The following PAAF1 variants were observed in gnomAD, a reference collection of about 807,000 sequenced individuals.
PAAF1 encodes the protein proteasomal ATPase associated factor 1, also known as proteasomal ATPase-associated factor 1.
Under a neutral mutation model 52.8 loss-of-function variants are expected in PAAF1, and 46 were observed. The ratio of observed to expected loss-of-function variants is 0.87; its 90% confidence interval spans 0.69 to 1.11. The LOEUF (loss-of-function observed/expected upper bound fraction) is 1.11, where lower values mean the gene tolerates loss of function less well. Among genes scored for constraint, PAAF1 ranks in the 50% most tolerant of loss-of-function variants. The probability of loss-of-function intolerance (pLI) is 0.00; values close to 1 mark genes in which losing one functional copy is unlikely to be tolerated. For missense variants in PAAF1, 424 were observed against 477.4 expected (o/e 0.89, Z 1.04); for synonymous variants, 178 against 172.8 (o/e 1.03, Z -0.24).
Position 73,900,386 on chromosome 11 carries a change from T to C in PAAF1, c.498T>C (p.Ala166=). The C allele has an allele frequency of 6.2e-7, 1 of 1,612,222 alleles. No individual in the cohort carries two copies. The highest frequency in any genetic ancestry group is 8.5e-7 in the Non-Finnish European group (1 of 1,178,616). Residue 166 remains alanine, a synonymous_variant, in exon 6 of 12, where the codon GCT becomes GCC. Coordinates refer to ENST00000310571, the MANE Select transcript of PAAF1 (RefSeq NM_025155.3). ...TGAAGATATGGTCAGCTGAAGATGC[T>C]AGCTGCGTGGTGACCTTCAAAGGTC... is the stretch of plus-strand genomic sequence containing the variant. ...AQLKIWSAED[A]SCVVTFKGHK...
chr11:73,926,377 C>T (rs1288870897), intron 11 of PAAF1, among the ~76,000 whole-genome samples: 3 of 152,164 alleles, frequency 2.0e-5, no homozygotes, highest in African/African-American at 7.2e-5. Context: ...GGATTACAGG[C>T]GTGAGCCACC....
intron 6 of PAAF1, among the ~76,000 whole-genome samples, chr11:73,907,637 C>T (rs1949798681): frequency 6.6e-6 from 1 of 152,166 alleles, no homozygotes; most frequent in African/African-American, 2.4e-5. Context: ...CAGTACCCTA[C>T]TTAACCTGGT....
chr11:73,908,500 G>A (rs1319672613), intron 6 of PAAF1, among the ~76,000 whole-genome samples: 34 of 151,224 alleles, frequency 2.2e-4, no homozygotes, highest in Admixed American at 2.2e-3. Context: ...GAACTCCAGG[G>A]CTCAAGCAAT....
intron 10 of PAAF1, among the ~76,000 whole-genome samples, chr11:73,920,578 C>T (rs923333258): frequency 2.0e-5 from 3 of 151,864 alleles, no homozygotes; most frequent in South Asian, 2.1e-4. Context: ...AGTGACTGGG[C>T]GTGGTGGCTC....
chr11:73,919,111 G>A, intron 10 of PAAF1, 79 bp downstream of exon 10: 1 of 1,295,774 alleles, frequency 7.7e-7, no homozygotes, highest in South Asian at 1.3e-5. Context: ...TCTGATCTAT[G>A]GCTGGGTTGG....
At chr11:73,915,209 C>T (rs1301025377) in intron 8 of PAAF1, among the ~76,000 whole-genome samples, 1 of 152,126 alleles carries the variant, frequency 6.6e-6, no homozygotes, top group African/African-American at 2.4e-5. Flanking sequence ...AAGTCACTTT[C>T]CCTCTCTGGA....
chr11:73,902,020 C>T (rs1397756340), intron 6 of PAAF1, among the ~76,000 whole-genome samples: 2 of 151,930 alleles, frequency 1.3e-5, no homozygotes, highest in Admixed American at 6.6e-5. Flanking sequence ...TGCACCACCA[C>T]ATCCAACTAA....
chr11:73,924,772 A>G, intron 11 of PAAF1, 75 bp downstream of exon 11: 1 of 1,201,794 alleles, frequency 8.3e-7, no homozygotes, highest in Non-Finnish European at 1.2e-6. Flanking sequence ...CTGAATCCAG[A>G]TACCTTGTGG....
At chr11:73,921,844 A>G in intron 10 of PAAF1, 3 of 1,121,980 alleles carry the variant, frequency 2.7e-6, no homozygotes, top group South Asian at 1.2e-5. Context: ...TTTGGGATAC[A>G]TTGCATTAAG....
At chr11:73,878,713 C>T (rs1948813394) in intron 1 of PAAF1, 66 bp from the exon 2 acceptor site, 2 of 1,461,432 alleles carry the variant, frequency 1.4e-6, no homozygotes, top group African/African-American at 1.4e-5. Flanking sequence ...TTCTTTCTTC[C>T]CTTGTAACTA....
chr11:73,927,516 C>T lies in PAAF1; in HGVS notation c.*154C>T. 1.5e-6 allele frequency: 1 copy of T among 659,308 alleles called. No individual in the cohort carries two copies. The highest frequency in any genetic ancestry group is 1.8e-5 in the South Asian group (1 of 54,620). The allele number at this position is 659,308 out of a possible 1,614,324, so 40.8% of individuals were successfully genotyped here. On this transcript the variant is annotated 3_prime_UTR_variant, in exon 12 of 12. Transcript: ENST00000310571. ...AGTCAGCTGTACTGGCCGTGTGGAA[C>T]TCTCATCCCAAGACCTACTTTGAAC...
intron 2 of PAAF1, 65 bp downstream of exon 2, chr11:73,878,884 G>GTAGGAAGCTTT: frequency 6.7e-7 from 1 of 1,493,338 alleles, no homozygotes; most frequent in Non-Finnish European, 9.3e-7. Flanking sequence ...TTAAAAGAAA[G>GTAGGAAGCTTT]CTTCCTACTT....
intron 4 of PAAF1, among the ~76,000 whole-genome samples, chr11:73,897,590 G>A (rs949304318): frequency 3.6e-4 from 55 of 150,926 alleles, no homozygotes; most frequent in African/African-American, 1.2e-3. Context: ...ATGTGATGGC[G>A]GCCGGGAAGA....
At chr11:73,891,239 C>A in intron 4 of PAAF1, 38 bp downstream of exon 4, 1 of 1,201,840 alleles carries the variant, frequency 8.3e-7, no homozygotes, top group African/African-American at 1.5e-5. Flanking sequence ...AATGTAATAG[C>A]ATGTTAATTT....
intron 7 of PAAF1, among the ~76,000 whole-genome samples, chr11:73,910,575 A>C (rs940176565): frequency 6.6e-6 from 1 of 152,126 alleles, no homozygotes; most frequent in African/African-American, 2.4e-5. Flanking sequence ...ATTTTCCCAT[A>C]ATAATAGTTG....
chr11:73,904,688 A>G lies in PAAF1; in HGVS notation c.532+4268A>G, dbSNP rs533362990. The stretch of plus-strand genomic sequence containing the variant: ...CATTAATTTTCCCATATACGCATGT[A>G]TGTATATTGCTCCCTAGCAACATTA... On this transcript the variant is annotated intron_variant, in intron 6 of 11. Coordinates refer to ENST00000310571, the MANE Select transcript of PAAF1 (RefSeq NM_025155.3). Among the ~76,000 whole-genome samples the G allele has an allele frequency of 4.4e-4, 67 of 152,168 alleles. 2 individuals are homozygous for G. Among genetic ancestry groups the G allele is most frequent in the Admixed American group, 2.6e-4 (4 of 15,262 alleles).
chr11:73,889,365 C>A, intron 3 of PAAF1: 1 of 559,838 alleles, frequency 1.8e-6, no homozygotes, highest in East Asian at 3.4e-5. Context: ...AAATGTCTAA[C>A]CCTGGAGCAT....
chr11:73,895,918 G>A (rs1531001), intron 4 of PAAF1, among the ~76,000 whole-genome samples: 12,085 of 152,230 alleles, frequency 0.079, 666 homozygotes, highest in African/African-American at 0.16. Context: ...ACCACCCTGG[G>A]CAACATAGGG....
chr11:73,895,050 T>C (rs987460251), intron 4 of PAAF1, among the ~76,000 whole-genome samples: 2 of 152,246 alleles, frequency 1.3e-5, no homozygotes, highest in Non-Finnish European at 2.9e-5. Context: ...TACTGAAAGA[T>C]GATTCATCCA....
Sources: allele counts gnomAD v4.1 joint callset (sites outside exome capture counted in the v4.1 genomes callset), GRCh38; gene constraint gnomAD v4.1.1; transcripts MANE v1.5; gene names NCBI Gene and HGNC (gene_info 2026-07-23, HGNC 2026-07-21).